Variants in LAMA3 observed in about 807,000 individuals in gnomAD.
LAMA3 encodes the protein laminin subunit alpha 3, also known as laminin subunit alpha-3.
Under a neutral mutation model 402.0 loss-of-function variants are expected in LAMA3, and 281 were observed. The ratio of observed to expected loss-of-function variants is 0.70; its 90% CI spans 0.63 to 0.77. LAMA3 has a LOEUF of 0.77. Ranked by LOEUF, LAMA3 falls within the 30% of genes least tolerant of loss-of-function variation. The pLI is 0.00. For synonymous variants in LAMA3, 1,431 were observed against 1,558.4 expected (o/e 0.92, Z 1.93); for missense variants, 3,840 against 4,215.5 (o/e 0.91, Z 2.47).
chr18:23,910,793 T>C (rs925239889), intron 55 of LAMA3, among the ~76,000 whole-genome samples: 2 of 152,168 alleles, frequency 1.3e-5, no homozygotes, highest in African/African-American at 4.8e-5. Context: ...AAACACGTAG[T>C]GCCCAGAAAA....
chr18:23,782,051 G>A (rs910542922), intron 11 of LAMA3, among the ~76,000 whole-genome samples: 7 of 151,952 alleles, frequency 4.6e-5, no homozygotes, highest in Non-Finnish European at 7.4e-5. Context: ...AGTTACTAAC[G>A]TTTTATTTGA....
At chr18:23,708,161 C>T (rs917122649) in intron 1 of LAMA3, among the ~76,000 whole-genome samples, 13 of 152,142 alleles carry the variant, frequency 8.5e-5, no homozygotes, top group African/African-American at 3.1e-4. Context: ...CCTTTCCCAG[C>T]GGTCTGACAT....
At chr18:23,948,047 C>T (rs555533335) in intron 70 of LAMA3, among the ~76,000 whole-genome samples, 5 of 152,102 alleles carry the variant, frequency 3.3e-5, no homozygotes, top group Admixed American at 6.6e-5. Flanking sequence ...CTCCTGACCT[C>T]GTGATCTGCC....
chr18:23,781,962 G>C (rs922495201), intron 11 of LAMA3, among the ~76,000 whole-genome samples: 2 of 152,082 alleles, frequency 1.3e-5, no homozygotes, highest in African/African-American at 4.8e-5. Flanking sequence ...TAAAAATCAT[G>C]TAAAGACTAT....
At chr18:23,883,397 G>A (rs997640184) in intron 40 of LAMA3, among the ~76,000 whole-genome samples, 1 of 152,178 alleles carries the variant, frequency 6.6e-6, no homozygotes, top group Non-Finnish European at 1.5e-5. Flanking sequence ...GTGGGCCCAA[G>A]CAAAGAATGA....
At chr18:23,758,354 A>C in intron 6 of LAMA3, 42 bp from the exon 7 acceptor site, 1 of 1,512,598 alleles carries the variant, frequency 6.6e-7, no homozygotes, top group African/African-American at 1.4e-5. Flanking sequence ...ATCCTCATCA[A>C]AACTTTTCAA....
intron 62 of LAMA3, 116 bp from the exon 63 acceptor site, chr18:23,928,007 C>T: frequency 1.3e-6 from 1 of 799,078 alleles, no homozygotes; most frequent in Non-Finnish European, 2.3e-6. Flanking sequence ...AAAGGATAAA[C>T]ATAAAACACC....
chr18:23,739,832 A>G (rs1423025672), intron 2 of LAMA3, among the ~76,000 whole-genome samples: 1 of 152,228 alleles, frequency 6.6e-6, no homozygotes, highest in Non-Finnish European at 1.5e-5. Flanking sequence ...AAATCCATAT[A>G]TTTTTAGGAG....
At chr18:23,819,759 A>T (rs1053340053) in intron 18 of LAMA3, 82 bp from the exon 19 acceptor site, 1 of 1,218,504 alleles carries the variant, frequency 8.2e-7, no homozygotes, top group African/African-American at 1.5e-5. Flanking sequence ...GAGTTCTTTC[A>T]TAGTAACTAT....
chr18:23,778,770 C>T (rs574505260), intron 11 of LAMA3, among the ~76,000 whole-genome samples: 36 of 152,316 alleles, frequency 2.4e-4, no homozygotes, highest in Admixed American at 3.3e-4. Context: ...TGTGTGAGCA[C>T]GAGTGCCCCT....
In LAMA3 at chr18:23,827,363, G is replaced by T. The variant is rs771737826; in HGVS notation, c.2719G>T (p.Ala907Ser). The T allele has an allele frequency of 1.9e-6, 3 of 1,614,190 alleles. No individual in the cohort carries two copies. In the South Asian group the frequency reaches 3.3e-5, roughly 18 times the overall value. ...AGTGACCAGATTCCCCTGTACCCTG[G>T]CTTGTGAGGCCAGACACTTCCTGCT... The part of the protein sequence containing the change: ...LPVTRFPCTL[A>S]CEARHFLLDG... The change falls in exon 23 of 75, where the codon GCT (alanine) becomes TCT (serine). Residue 907 changes from alanine to serine, a missense_variant. Physicochemically the swap from Ala to Ser is moderately conservative, Grantham distance 99. This residue lies in a region of LAMA3 where 2,109 missense variants were observed against 2,376.0 expected (regional missense o/e 0.89). Coordinates refer to ENST00000313654, the MANE Select transcript of LAMA3 (RefSeq NM_198129.4).
At chr18:23,812,153 G>C (rs564330554) in intron 13 of LAMA3, among the ~76,000 whole-genome samples, 3 of 151,964 alleles carry the variant, frequency 2.0e-5, no homozygotes, top group Non-Finnish European at 4.4e-5. Flanking sequence ...GATTACAGGC[G>C]TGAGCCACCA....
intron 1 of LAMA3, among the ~76,000 whole-genome samples, chr18:23,696,233 T>C (rs1174814434): frequency 1.3e-5 from 2 of 152,246 alleles, no homozygotes; most frequent in Non-Finnish European, 2.9e-5. Context: ...TCCAGGCTGC[T>C]TTCCTATTTT....
intron 35 of LAMA3, among the ~76,000 whole-genome samples, chr18:23,864,225 AT>A (rs397974254): frequency 4.6e-3 from 645 of 139,824 alleles, no homozygotes; most frequent in Middle Eastern, 0.011. Context: ...TCTTTCTTTC[AT>A]TTTTTTTTTT....
At chr18:23,799,717 C>T (rs1052477780) in intron 12 of LAMA3, among the ~76,000 whole-genome samples, 5 of 151,884 alleles carry the variant, frequency 3.3e-5, no homozygotes, top group Non-Finnish European at 5.9e-5. Flanking sequence ...CAGAACCAAT[C>T]GGAGGTGTGT....
chr18:23,703,451 A>G (rs2060827153), intron 1 of LAMA3, among the ~76,000 whole-genome samples: 1 of 152,186 alleles, frequency 6.6e-6, no homozygotes, highest in Non-Finnish European at 1.5e-5. Context: ...TCCAAAATGT[A>G]GAGTAGTTAA....
At chr18:23,831,476 T>C (rs1056864905) in intron 23 of LAMA3, among the ~76,000 whole-genome samples, 5 of 152,054 alleles carry the variant, frequency 3.3e-5, no homozygotes, top group Non-Finnish European at 7.4e-5. Flanking sequence ...CCCTATGGCC[T>C]GGTTGTCTTC....
chr18:23,749,360 GCTT>G (rs1307977022), intron 3 of LAMA3, 65 bp from the exon 4 acceptor site: 4 of 837,752 alleles, frequency 4.8e-6, no homozygotes, highest in Non-Finnish European at 7.9e-6. Context: ...GAAACATAAG[GCTT>G]CTTAAGAGAT....
intron 40 of LAMA3, among the ~76,000 whole-genome samples, chr18:23,883,008 G>A (rs1286573088): frequency 4.6e-5 from 7 of 152,216 alleles, no homozygotes; most frequent in Non-Finnish European, 7.3e-5. Context: ...AGGAAGCCAT[G>A]GCAGTATTTT....
Sources: gnomAD v4.1 joint callset for allele counts (sites outside exome capture counted in the v4.1 genomes callset) on GRCh38, gnomAD v4.1.1 for gene constraint, gnomAD v4.1.1 regional missense constraint, MANE v1.5 for transcripts, NCBI Gene and HGNC (gene_info 2026-07-23, HGNC 2026-07-21) for gene names.